The following ZBTB38 variants were observed in gnomAD, a reference collection of about 807,000 sequenced individuals.
ZBTB38 encodes the protein zinc finger and BTB domain-containing protein 38.
In ZBTB38, 20 loss-of-function variants were observed where a neutral mutation model predicts 76.8. That is an observed-to-expected ratio of 0.26 (90% CI 0.18 to 0.38). The LOEUF is 0.38. ZBTB38 is among the 10% of genes least tolerant of loss of function. The pLI is 1.00. For synonymous variants in ZBTB38, 504 were observed against 544.2 expected (o/e 0.93, Z 1.03); for missense variants, 1,082 against 1,482.3 (o/e 0.73, Z 4.43).
intron 5 of ZBTB38, among the ~76,000 whole-genome samples, chr3:141,411,615 A>G (rs1266131798): frequency 1.3e-5 from 2 of 152,220 alleles, no homozygotes; most frequent in Non-Finnish European, 2.9e-5. Flanking sequence ...AAAAGCCATG[A>G]CGTGGCACTG....
intron 2 of ZBTB38, among the ~76,000 whole-genome samples, chr3:141,371,456 G>T (rs1182784832): frequency 6.6e-6 from 1 of 151,644 alleles, no homozygotes. Flanking sequence ...AGGCTCAAGC[G>T]ATCCTCCCAA....
chr3:141,426,824 A>C (rs1018663851), intron 5 of ZBTB38, among the ~76,000 whole-genome samples: 7 of 152,104 alleles, frequency 4.6e-5, no homozygotes, highest in African/African-American at 1.7e-4. Context: ...TTTTGGCCAA[A>C]ATGGTGATAG....
At chr3:141,417,909 G>T (rs372301062) in intron 5 of ZBTB38, among the ~76,000 whole-genome samples, 46 of 152,298 alleles carry the variant, frequency 3.0e-4, no homozygotes, top group African/African-American at 1.1e-3. Context: ...AGCTACTCGG[G>T]AGGCTGAGGC....
intron 4 of ZBTB38, among the ~76,000 whole-genome samples, chr3:141,403,383 T>C (rs1953058411): frequency 6.6e-6 from 1 of 152,212 alleles, no homozygotes; most frequent in Admixed American, 6.5e-5. Context: ...GTAGCGTTTT[T>C]CAAGAGTGGG....
At chr3:141,401,842 G>T (rs562666096) in intron 4 of ZBTB38, among the ~76,000 whole-genome samples, 1 of 152,212 alleles carries the variant, frequency 6.6e-6, no homozygotes, top group Non-Finnish European at 1.5e-5. Flanking sequence ...GGTCTTTTGC[G>T]TGAAATAGTT....
At chr3:141,371,554 G>A (rs758677996) in intron 2 of ZBTB38, among the ~76,000 whole-genome samples, 16 of 151,734 alleles carry the variant, frequency 1.1e-4, no homozygotes, top group Non-Finnish European at 2.1e-4. Context: ...TGCCCAGGCT[G>A]GTCTTGAACT....
chr3:141,394,678 G>A (rs1360323232), intron 4 of ZBTB38, among the ~76,000 whole-genome samples: 2 of 152,240 alleles, frequency 1.3e-5, no homozygotes, highest in African/African-American at 2.4e-5. Context: ...CTGAGTGCCT[G>A]TGGAGCCATC....
intron 5 of ZBTB38, among the ~76,000 whole-genome samples, chr3:141,415,634 T>A (rs761065855): frequency 6.6e-6 from 1 of 152,206 alleles, no homozygotes; most frequent in Non-Finnish European, 1.5e-5. Context: ...GACATAGAGA[T>A]TGGCCTATGT....
In ZBTB38 at chr3:141,442,980, A is replaced by G; in HGVS notation, c.592A>G (p.Thr198Ala). 6.2e-7 allele frequency: 1 copy of G among 1,614,236 alleles called. No homozygotes were observed. The highest frequency in any genetic ancestry group is 8.5e-7 in the Non-Finnish European group (1 of 1,180,034). The change falls in exon 6 of 6, where the codon ACA becomes GCA. Residue 198 changes from threonine (T) to alanine (A), a missense_variant. Physicochemically the swap from Thr to Ala is moderately conservative, Grantham distance 58. This residue lies in a region of ZBTB38 where 324 missense variants were observed against 359.1 expected (regional missense o/e 0.90). Transcript: ENST00000321464. The surrounding 1 kb of genome is among the most constrained non-coding windows in gnomAD (Gnocchi z 6.4). ...CAAAAAGGTCTCCGACTCCATGAGA[A>G]CAGCTAGCCTTTGCCTGGAGAGGAC... ...SFKKVSDSMR[T>A]ASLCLERTDV...
In ZBTB38 at chr3:141,337,299, C is replaced by T. The variant is rs79992961; in HGVS notation, c.-739+12843C>T. On this transcript the variant is annotated intron_variant, in intron 1 of 7. Coordinates refer to the ZBTB38 transcript ENST00000509842. ...TCCAAACACGTAGAAATGCCTCATC[C>T]TACAGCCGAGTAATATGTAATGACT... is the stretch of plus-strand genomic sequence containing the variant. Among the ~76,000 whole-genome samples the T allele has an allele frequency of 6.2e-3, 946 of 152,334 alleles. 10 individuals carry two copies. The highest frequency in any genetic ancestry group is 0.021 in the African/African-American group (878 of 41,578).
chr3:141,429,210 G>C (rs994938837), intron 5 of ZBTB38, among the ~76,000 whole-genome samples: 1 of 152,198 alleles, frequency 6.6e-6, no homozygotes, highest in Admixed American at 6.5e-5. Context: ...AAGGGGGATC[G>C]TGAGTACAGG....
In ZBTB38 at chr3:141,443,691, G is replaced by A; in HGVS notation, c.1303G>A (p.Gly435Ser). 6.2e-7 allele frequency: 1 copy of A among 1,614,088 alleles called. No homozygotes were observed. Among genetic ancestry groups the A allele is most frequent in the Non-Finnish European group, 8.5e-7 (1 of 1,180,042 alleles). ...PEPLLSENRI[G>S]EFSSTGSTLP... ...ACCTTTATTATCTGAAAATAGGATT[G>A]GTGAATTTTCCAGTACCGGAAGTAC... The change falls in exon 6 of 6, where the codon GGT (glycine) becomes AGT (serine). Residue 435 changes from glycine (G) to serine (S), a missense_variant. Physicochemically the swap from Gly to Ser is moderately conservative, Grantham distance 56 (BLOSUM62 0). Coordinates refer to ENST00000321464, the MANE Select transcript of ZBTB38 (RefSeq NM_001376113.1). The surrounding 1 kb of genome is among the most constrained non-coding windows in gnomAD (Gnocchi z 5.6).
In ZBTB38 at chr3:141,402,282, G is replaced by C. The variant is rs1047039065; in HGVS notation, c.-105-1645G>C. 1,101 of 152,010 alleles carry C rather than the reference G, an allele frequency of 7.2e-3. 32 individuals carry two copies. The highest frequency in any genetic ancestry group is 4.4e-3 in the Non-Finnish European group (297 of 67,952). The allele number at this position is 152,010 out of a possible 1,614,324, so 9.4% of individuals were successfully genotyped here. On this transcript the variant is annotated intron_variant, in intron 4 of 5. Transcript: ENST00000321464. ...TGCGGGTCGGGCCGACCTCCTCCCG[G>C]ACGGGCTGCGTCCTCTGCCCCGCGC...
intron 5 of ZBTB38, among the ~76,000 whole-genome samples, chr3:141,410,157 C>T (rs1429416814): frequency 6.6e-6 from 1 of 152,172 alleles, no homozygotes; most frequent in East Asian, 1.9e-4. Flanking sequence ...AGTCTGAGGT[C>T]TCCCAGGGGT....
At chr3:141,330,454 C>T (rs1942813801) in intron 1 of ZBTB38, among the ~76,000 whole-genome samples, 2 of 152,342 alleles carry the variant, frequency 1.3e-5, no homozygotes, top group Non-Finnish European at 2.9e-5. Flanking sequence ...CCCTCTGTGT[C>T]CCTTTTCTGA....
chr3:141,325,039 A>G (rs559046958), intron 1 of ZBTB38, among the ~76,000 whole-genome samples: 2 of 152,370 alleles, frequency 1.3e-5, no homozygotes, highest in Admixed American at 1.3e-4. Flanking sequence ...AGTTTTCAAA[A>G]GCAAACTAAA....
intron 1 of ZBTB38, among the ~76,000 whole-genome samples, chr3:141,356,171 A>G (rs1943656957): frequency 6.6e-6 from 1 of 152,120 alleles, no homozygotes; most frequent in Non-Finnish European, 1.5e-5. Context: ...AAGAGGAGCC[A>G]TGGAAAGAAA....
At chr3:141,367,008 C>T (rs936591932), upstream of ZBTB38, 1 of 152,382 alleles carries the variant, frequency 6.6e-6, no homozygotes, top group African/African-American at 2.4e-5. Context: ...GCAGCTGATT[C>T]CTGGTAGGAG....
intron 4 of ZBTB38, among the ~76,000 whole-genome samples, chr3:141,391,183 A>G (rs79361824): frequency 0.024 from 3,579 of 152,290 alleles, 68 homozygotes; most frequent in East Asian, 0.057. Flanking sequence ...AAATTAAAAA[A>G]AATAAAATAA....
Sources: gnomAD v4.1 joint callset for allele counts (sites outside exome capture counted in the v4.1 genomes callset) on GRCh38, gnomAD v4.1.1 for gene constraint, gnomAD v4.1.1 regional missense constraint, Gnocchi (gnomAD v3.1) non-coding constraint, MANE v1.5 for transcripts, NCBI Gene and HGNC (gene_info 2026-07-23, HGNC 2026-07-21) for gene names.